RORA: variants seen among roughly 807,000 people sequenced by gnomAD.
RORA encodes RAR related orphan receptor A.
A neutral mutation model predicts 69.5 loss-of-function variants in RORA; 7 were observed. The observed-to-expected ratio is 0.10, with a 90% CI of 0.06 to 0.19. The LOEUF (loss-of-function observed/expected upper bound fraction) is 0.19, where lower values mean the gene tolerates loss of function less well. Among genes scored for constraint, RORA ranks in the 10% least tolerant of loss-of-function variants. The pLI is 1.00. For synonymous variants in RORA, 261 were observed against 240.8 expected, an observed-to-expected ratio of 1.08 and a Z score of -0.78; for missense variants, 457 against 663.0, an observed-to-expected ratio of 0.69 and a Z score of 3.41.
At chr15:60,845,383 T>C (rs1427456350) in intron 1 of RORA, among the ~76,000 whole-genome samples, 1 of 152,262 alleles carries the variant, frequency 6.6e-6, no homozygotes, top group African/African-American at 2.4e-5. Flanking sequence ...GCTCTGCTAA[T>C]GCCTCGTCCC....
At chr15:60,899,270 G>A (rs943484735) in intron 1 of RORA, among the ~76,000 whole-genome samples, 5 of 152,216 alleles carry the variant, frequency 3.3e-5, no homozygotes, top group Non-Finnish European at 7.3e-5. Context: ...TCAATATGAA[G>A]AGCATGGAAC....
chr15:60,976,825 G>A (rs1427972975), intron 1 of RORA, among the ~76,000 whole-genome samples: 1 of 152,122 alleles, frequency 6.6e-6, no homozygotes, highest in Non-Finnish European at 1.5e-5. Flanking sequence ...TAGGAGGGAG[G>A]ACATGGCCCA....
At chr15:60,880,445 C>A (rs2140446369) in intron 1 of RORA, among the ~76,000 whole-genome samples, 1 of 152,322 alleles carries the variant, frequency 6.6e-6, no homozygotes, top group African/African-American at 2.4e-5. Flanking sequence ...TCGAGACCGT[C>A]CGGGCCAACA....
At chr15:60,556,693 C>T (rs191272656) in intron 2 of RORA, among the ~76,000 whole-genome samples, 42 of 152,260 alleles carry the variant, frequency 2.8e-4, no homozygotes, top group Admixed American at 1.7e-3. Flanking sequence ...CTATTGGCCA[C>T]GAAAGAGATC....
chr15:61,202,303 C>G (rs1473787297), intron 1 of RORA, among the ~76,000 whole-genome samples: 1 of 152,150 alleles, frequency 6.6e-6, no homozygotes, highest in Non-Finnish European at 1.5e-5. Context: ...AGACACTGCT[C>G]CCGGCCCAAC....
intron 1 of RORA, among the ~76,000 whole-genome samples, chr15:60,680,778 T>C (rs975387191): frequency 1.3e-5 from 2 of 152,218 alleles, no homozygotes; most frequent in South Asian, 2.1e-4. Context: ...CTGTATTTTA[T>C]ATGGCAGCCT....
chr15:60,771,253 G>A (rs1035542649), intron 1 of RORA, among the ~76,000 whole-genome samples: 2 of 151,678 alleles, frequency 1.3e-5, no homozygotes, highest in African/African-American at 2.4e-5. Flanking sequence ...TCCTTCTCTC[G>A]CCCTGGATTA....
chr15:60,767,810 C>A (rs184777632), intron 1 of RORA, among the ~76,000 whole-genome samples: 1 of 152,156 alleles, frequency 6.6e-6, no homozygotes, highest in African/African-American at 2.4e-5. Flanking sequence ...TTTCATGACC[C>A]CTGGGTCAGT....
chr15:60,644,035 C>T (rs1264919740), intron 2 of RORA, among the ~76,000 whole-genome samples: 2 of 151,830 alleles, frequency 1.3e-5, no homozygotes, highest in East Asian at 3.9e-4. Flanking sequence ...GCACAGGAAG[C>T]CACTGGGATT....
At chr15:61,116,020 C>T (rs1432863465) in intron 1 of RORA, among the ~76,000 whole-genome samples, 1 of 151,994 alleles carries the variant, frequency 6.6e-6, no homozygotes, top group African/African-American at 2.4e-5. Context: ...GTAGACCAGG[C>T]AATGTAAAGG....
chr15:60,704,190 G>A (rs1418117433), intron 1 of RORA, among the ~76,000 whole-genome samples: 2 of 152,216 alleles, frequency 1.3e-5, no homozygotes, highest in Non-Finnish European at 2.9e-5. Context: ...TTCAATAGAC[G>A]AAGTCTAAAG....
chr15:61,022,879 G>A (rs1454194448), intron 1 of RORA, among the ~76,000 whole-genome samples: 1 of 151,920 alleles, frequency 6.6e-6, no homozygotes, highest in Non-Finnish European at 1.5e-5. Flanking sequence ...ATCCCTAGTG[G>A]TAATCAATGT....
chr15:60,516,151 A>T lies in RORA; in HGVS notation c.283-1394T>A, dbSNP rs1378431090. 1.5e-4 allele frequency among the ~76,000 whole-genome samples: 6 copies of T among 39,840 alleles called. 2 individuals carry two copies. The highest frequency in any genetic ancestry group is 2.8e-4 in the Non-Finnish European group (6 of 21,252). 26.1% of individuals were successfully genotyped at this position (39,840 alleles called of 152,430 possible). The stretch of plus-strand genomic sequence containing the variant: ...ATTAAATATATTTATATATATTTAT[A>T]TATATATATTTATATATATATTTAT... On this transcript the variant is annotated intron_variant, in intron 3 of 10. Transcript: ENST00000335670.
At chr15:61,132,368 T>C (rs1407493374) in intron 1 of RORA, among the ~76,000 whole-genome samples, 2 of 152,192 alleles carry the variant, frequency 1.3e-5, no homozygotes, top group East Asian at 3.8e-4. Flanking sequence ...CAAAGTGTCT[T>C]ACAGCTCGAT....
At chr15:61,141,436 C>A (rs552294955) in intron 1 of RORA, among the ~76,000 whole-genome samples, 35 of 151,924 alleles carry the variant, frequency 2.3e-4, no homozygotes, top group Non-Finnish European at 4.1e-4. Context: ...CGAGAGACAC[C>A]CAGAGAGCAA....
intron 1 of RORA, among the ~76,000 whole-genome samples, chr15:60,883,797 G>A (rs1433629431): frequency 5.3e-5 from 8 of 152,212 alleles, no homozygotes; most frequent in South Asian, 4.1e-4. Flanking sequence ...GAAAAATGGA[G>A]TACAAAAGAG....
intron 1 of RORA, among the ~76,000 whole-genome samples, chr15:61,227,193 C>T (rs1234654610): frequency 3.6e-5 from 5 of 137,542 alleles, no homozygotes; most frequent in African/African-American, 1.0e-4. Context: ...TTCCTAAATA[C>T]TATGTCCCCC....
Position 60,497,410 on chromosome 15 carries a change from C to T in RORA, c.*45G>A. Reference sequence around the variant, plus strand: ...TCGGTTAATTTTTTTGTTTGTTTTTCATGTTTGTACTTCAGACATTCTAGA... The same window carrying T: ...TCGGTTAATTTTTTTGTTTGTTTTTTATGTTTGTACTTCAGACATTCTAGA... On this transcript the variant is annotated 3_prime_UTR_variant, in exon 11 of 11. Transcript: ENST00000335670. 6.3e-7 allele frequency: 1 copy of T among 1,579,158 alleles called. No homozygotes were observed.
At chr15:61,054,878 C>G (rs1267029436) in intron 1 of RORA, among the ~76,000 whole-genome samples, 2 of 150,702 alleles carry the variant, frequency 1.3e-5, no homozygotes, top group South Asian at 2.1e-4. Context: ...ACTCTGTTGC[C>G]CAGGCTGGAG....
Sources: gnomAD v4.1 joint callset for allele counts (sites outside exome capture counted in the v4.1 genomes callset) on GRCh38, gnomAD v4.1.1 for gene constraint, MANE v1.5 for transcripts, NCBI Gene and HGNC (gene_info 2026-07-23, HGNC 2026-07-21) for gene names.